The following LDB2 variants were observed in gnomAD, a reference collection of about 807,000 sequenced individuals.
The protein encoded by LDB2 is LIM domain-binding protein 2.
Under a neutral mutation model 44.3 loss-of-function variants are expected in LDB2, and 12 were observed. The observed-to-expected ratio is 0.27, with a 90% confidence interval of 0.17 to 0.44. LDB2 has a LOEUF of 0.44. LDB2 is among the 20% of genes least tolerant of loss of function. The pLI, the probability that LDB2 is intolerant of heterozygous loss-of-function variation, is 1.00. For synonymous variants in LDB2, 164 were observed against 174.8 expected (o/e 0.94, Z 0.49); for missense variants, 344 against 473.5 (o/e 0.73, Z 2.54).
chr4:16,693,033 T>C (rs1227643823), intron 2 of LDB2, among the ~76,000 whole-genome samples: 1 of 152,220 alleles, frequency 6.6e-6, no homozygotes, highest in African/African-American at 2.4e-5. Flanking sequence ...TAGGTAATTA[T>C]CTGGACCAGG....
At chr4:16,826,808 A>C (rs549764574) in intron 1 of LDB2, among the ~76,000 whole-genome samples, 2 of 148,230 alleles carry the variant, frequency 1.3e-5, no homozygotes, top group African/African-American at 2.5e-5. Context: ...AGGGCAGAAC[A>C]AAAAAAAAAG....
chr4:16,839,068 G>C (rs1010972913), intron 1 of LDB2, among the ~76,000 whole-genome samples: 1 of 152,176 alleles, frequency 6.6e-6, no homozygotes, highest in Non-Finnish European at 1.5e-5. Context: ...AGAAAGGAGA[G>C]GGGAATGAAA....
intron 5 of LDB2, among the ~76,000 whole-genome samples, chr4:16,577,950 A>G (rs1277606681): frequency 2.6e-5 from 4 of 152,222 alleles, no homozygotes; most frequent in Admixed American, 2.0e-4. Context: ...AGTTCCAAGA[A>G]CATACATTCA....
At chr4:16,562,529 C>G (rs1286686317) in intron 5 of LDB2, among the ~76,000 whole-genome samples, 1 of 152,216 alleles carries the variant, frequency 6.6e-6, no homozygotes, top group Non-Finnish European at 1.5e-5. Flanking sequence ...CCATCTCACA[C>G]CAGTTACAAT....
chr4:16,668,611 T>C (rs1417653389), intron 2 of LDB2, among the ~76,000 whole-genome samples: 1 of 152,194 alleles, frequency 6.6e-6, no homozygotes, highest in African/African-American at 2.4e-5. Context: ...ATAAAAGCTA[T>C]ATTATCCTAA....
chr4:16,776,663 C>T (rs1579563796), intron 1 of LDB2, among the ~76,000 whole-genome samples: 1 of 152,160 alleles, frequency 6.6e-6, no homozygotes, highest in African/African-American at 2.4e-5. Flanking sequence ...CCTTGAAGAC[C>T]CTGTATACTA....
chr4:16,741,420 G>T (rs1018609078), intron 2 of LDB2: 1 of 152,178 alleles, frequency 6.6e-6, no homozygotes, highest in African/African-American at 2.4e-5. Flanking sequence ...ATGACCACGC[G>T]CTATGAAAGC....
At position 16,539,458 on chromosome 4, in the gene LDB2, C is replaced by A. The variant is rs549266483; in HGVS notation, c.616-27354G>T. On this transcript the variant is annotated intron_variant, in intron 5 of 7. Transcript: ENST00000304523. ...CTCTGGTCACATACACAGACAAGGG[C>A]AGTTTCTGCCCCTTTCACTTAGGTG... 4.6e-5 allele frequency among the ~76,000 whole-genome samples: 7 copies of A among 152,242 alleles called. No homozygotes were observed. The East Asian group carries it at 1.4e-3, about 29-fold the overall frequency.
intron 1 of LDB2, among the ~76,000 whole-genome samples, chr4:16,761,450 C>T (rs185197493): frequency 2.6e-5 from 4 of 152,330 alleles, no homozygotes; most frequent in Non-Finnish European, 5.9e-5. Context: ...CCAGGACTCA[C>T]GCTCAGGAGA....
At chr4:16,514,180 T>C (rs989014682) in intron 5 of LDB2, among the ~76,000 whole-genome samples, 1 of 152,226 alleles carries the variant, frequency 6.6e-6, no homozygotes, top group Middle Eastern at 3.2e-3. Flanking sequence ...AAATGAATCA[T>C]TTTTCCTGTA....
At chr4:16,590,696 T>TG (rs1190058015) in intron 3 of LDB2, among the ~76,000 whole-genome samples, 26 of 152,350 alleles carry the variant, frequency 1.7e-4, no homozygotes, top group African/African-American at 5.3e-4. Context: ...GGATAATTAT[T>TG]GATAATCTGG....
intron 1 of LDB2, among the ~76,000 whole-genome samples, chr4:16,789,777 A>G (rs562364039): frequency 6.6e-6 from 1 of 152,268 alleles, no homozygotes; most frequent in South Asian, 2.1e-4. Flanking sequence ...TAAAAAATAC[A>G]AAAAATTAGC....
chr4:16,762,420 C>A (rs1196792675), intron 1 of LDB2, among the ~76,000 whole-genome samples: 5 of 152,136 alleles, frequency 3.3e-5, no homozygotes, highest in African/African-American at 9.7e-5. Flanking sequence ...TGAAGATATA[C>A]CCAAGACTGG....
At chr4:16,800,058 G>A (rs1048507806) in intron 1 of LDB2, among the ~76,000 whole-genome samples, 1 of 152,026 alleles carries the variant, frequency 6.6e-6, no homozygotes, top group Admixed American at 6.6e-5. Flanking sequence ...ACTGAGGTCC[G>A]GGACGGGAAA....
intron 2 of LDB2, among the ~76,000 whole-genome samples, chr4:16,609,358 G>GC (rs1313652337): frequency 6.7e-6 from 1 of 148,240 alleles, no homozygotes; most frequent in Non-Finnish European, 1.5e-5. Flanking sequence ...GGGCGGGGGG[G>GC]GGAGGGGAAG....
chr4:16,836,469 G>A (rs1285625009), intron 1 of LDB2, among the ~76,000 whole-genome samples: 2 of 152,142 alleles, frequency 1.3e-5, no homozygotes, highest in Non-Finnish European at 2.9e-5. Context: ...CCTCTACCTA[G>A]ATGCCCAGAT....
chr4:16,612,959 T>C (rs1193642643), intron 2 of LDB2, among the ~76,000 whole-genome samples: 1 of 152,162 alleles, frequency 6.6e-6, no homozygotes, highest in Admixed American at 6.5e-5. Flanking sequence ...CTCAATAAAA[T>C]ACTGGTAAAC....
rs116358692 is a variant in LDB2 at position 16,647,520 on chromosome 4, C to A, written c.236-51645G>T. The stretch of plus-strand genomic sequence containing the variant: ...CATAAGAATATATCATCATAATATG[C>A]AGCCCCTAGTGAATGATCACTTTTG... On this transcript the variant is annotated intron_variant, in intron 2 of 7. Transcript: ENST00000304523. Among the ~76,000 whole-genome samples the A allele has an allele frequency of 5.4e-3, 820 of 152,256 alleles. 5 individuals carry two copies. The highest frequency in any genetic ancestry group is 0.019 in the African/African-American group (775 of 41,544).
At chr4:16,600,401 C>T (rs1339939287) in intron 2 of LDB2, among the ~76,000 whole-genome samples, 1 of 152,082 alleles carries the variant, frequency 6.6e-6, no homozygotes, top group Admixed American at 6.6e-5. Flanking sequence ...TTTTCTGACA[C>T]ATTTAGATCA....
Sources: allele counts gnomAD v4.1 joint callset (sites outside exome capture counted in the v4.1 genomes callset), GRCh38; gene constraint gnomAD v4.1.1; transcripts MANE v1.5; gene names NCBI Gene and HGNC (gene_info 2026-07-23, HGNC 2026-07-21).